Variants in MTHFD1L observed in about 807,000 individuals in gnomAD.
The protein encoded by MTHFD1L is methylenetetrahydrofolate dehydrogenase (NADP+ dependent) 1 like.
In MTHFD1L, 81 loss-of-function variants were observed where a neutral mutation model predicts 119.5. The observed-to-expected ratio is 0.68, with a 90% CI of 0.57 to 0.82. MTHFD1L has a LOEUF of 0.82. Among genes scored for constraint, MTHFD1L ranks in the 40% least tolerant of loss-of-function variants. The probability of loss-of-function intolerance (pLI) is 0.00; values close to 1 mark genes in which losing one functional copy is unlikely to be tolerated. For synonymous variants in MTHFD1L, 430 were observed against 475.2 expected (o/e 0.90, Z 1.24); for missense variants, 1,125 against 1,253.4 (o/e 0.90, Z 1.55).
At position 150,956,713 on chromosome 6, in the gene MTHFD1L, A is replaced by G. The variant is rs145866639; in HGVS notation, c.1803+642A>G. Among the ~76,000 whole-genome samples the G allele has an allele frequency of 9.6e-3, 1,461 of 152,212 alleles. 12 individuals carry two copies. Among genetic ancestry groups the G allele is most frequent in the Middle Eastern group, 0.017 (5 of 294 alleles). The stretch of plus-strand genomic sequence containing the variant: ...CTTTTGAATTGATTATAAACTGTAC[A>G]TTTAAGAACAGTTTTAGATTTCTGT... On this transcript the variant is annotated intron_variant, in intron 17 of 27. Transcript: ENST00000367321.
intron 7 of MTHFD1L, among the ~76,000 whole-genome samples, chr6:150,902,293 C>T (rs974553948): frequency 6.6e-6 from 1 of 152,156 alleles, no homozygotes; most frequent in East Asian, 1.9e-4. Context: ...CACCCCCACA[C>T]GCTCCCTGTT....
Position 151,019,268 on chromosome 6 carries a change from C to T in MTHFD1L, c.2586+3575C>T, listed in dbSNP as rs1313478582. Among the ~76,000 whole-genome samples the T allele has an allele frequency of 6.6e-5, 7 of 105,988 alleles. No individual in the cohort carries two copies. The East Asian group carries it at 1.4e-3, about 21-fold the overall frequency. The allele number at this position is 105,988 out of a possible 152,430, so 69.5% of individuals were successfully genotyped here. The stretch of plus-strand genomic sequence containing the variant: ...TCTTGCCGTCTGATCATGAACCACC[C>T]CACTCTGCATAGCAAAGGCAGTTAT... On this transcript the variant is annotated intron_variant, in intron 24 of 27. Transcript: ENST00000367321.
chr6:151,052,576 G>C (rs986427327), intron 26 of MTHFD1L, among the ~76,000 whole-genome samples: 1 of 152,210 alleles, frequency 6.6e-6, no homozygotes, highest in Non-Finnish European at 1.5e-5. Flanking sequence ...CAGTGGGCAG[G>C]AGCCTGACTC....
rs781662230 is a variant in MTHFD1L at position 150,960,354 on chromosome 6, G to A, written c.1883G>A (p.Arg628Gln). Reference sequence around the variant, plus strand: ...GACAGCCTCGCAGACATGAAGGCACGGCTGGGAAGGATGGTGGTGGCCAGT... The same window carrying A: ...GACAGCCTCGCAGACATGAAGGCACAGCTGGGAAGGATGGTGGTGGCCAGT... ...LTDSLADMKA[R>Q]LGRMVVASDK... Residue 628 changes from arginine (R) to glutamine (Q), a missense_variant, in exon 18 of 28, where the codon CGG becomes CAG. By Grantham distance (43) the Arg-to-Gln change is conservative. Coordinates refer to ENST00000367321, the MANE Select transcript of MTHFD1L (RefSeq NM_015440.5). 3.7e-6 allele frequency: 6 copies of A among 1,614,066 alleles called. No homozygotes were observed. The highest frequency in any genetic ancestry group is 5.1e-6 in the Non-Finnish European group (6 of 1,179,978).
At chr6:150,944,703 C>A in intron 14 of MTHFD1L, 110 bp downstream of exon 14, 2 of 767,784 alleles carry the variant, frequency 2.6e-6, no homozygotes, top group Non-Finnish European at 4.3e-6. Flanking sequence ...AAATGTTATT[C>A]AATTCAATTT....
intron 7 of MTHFD1L, among the ~76,000 whole-genome samples, chr6:150,890,661 A>C (rs1322281231): frequency 6.6e-6 from 1 of 152,222 alleles, no homozygotes. Context: ...GGAAGAAAGA[A>C]TTGGACTGAG....
intron 11 of MTHFD1L, among the ~76,000 whole-genome samples, chr6:150,934,430 T>A (rs1331450612): frequency 1.3e-5 from 2 of 152,200 alleles, no homozygotes; most frequent in African/African-American, 4.8e-5. Context: ...CCTATTTCCC[T>A]GTCTTAGTGT....
intron 10 of MTHFD1L, among the ~76,000 whole-genome samples, chr6:150,924,961 G>C (rs1789680224): frequency 6.6e-6 from 1 of 152,192 alleles, no homozygotes; most frequent in African/African-American, 2.4e-5. Flanking sequence ...TGAACTCCTA[G>C]TTTCTCTGGT....
Position 150,873,563 on chromosome 6 carries a change from A to G in MTHFD1L, c.228-2527A>G, listed in dbSNP as rs537431954. Among the ~76,000 whole-genome samples, 27 of 152,174 alleles carry G rather than the reference A, an allele frequency of 1.8e-4. No homozygotes were observed. In the East Asian group the frequency reaches 4.3e-3, roughly 24 times the overall value. Reference sequence around the variant, plus strand: ...CTAGTAAATGAAATGCCCAGTACCAATCCTGGGCCGTATTTCCACTTAGTG... The same window carrying G: ...CTAGTAAATGAAATGCCCAGTACCAGTCCTGGGCCGTATTTCCACTTAGTG... On this transcript the variant is annotated intron_variant, in intron 1 of 27. Coordinates refer to ENST00000367321, the MANE Select transcript of MTHFD1L (RefSeq NM_015440.5).
intron 26 of MTHFD1L, among the ~76,000 whole-genome samples, chr6:151,045,800 CT>C (rs1268852204): frequency 2.0e-5 from 3 of 152,246 alleles, no homozygotes; most frequent in Non-Finnish European, 4.4e-5. Context: ...CAGGCATCCA[CT>C]GCTTCCTCTC....
intron 13 of MTHFD1L, among the ~76,000 whole-genome samples, chr6:150,939,683 CTTTTTTTT>C (rs751835547): frequency 2.8e-5 from 3 of 108,456 alleles, no homozygotes; most frequent in African/African-American, 1.3e-4. Context: ...CTTGCAGACT[CTTTTTTTT>C]TTTTTTTTTT....
intron 24 of MTHFD1L, among the ~76,000 whole-genome samples, chr6:151,030,058 T>C (rs890743871): frequency 6.6e-6 from 1 of 152,220 alleles, no homozygotes; most frequent in Non-Finnish European, 1.5e-5. Context: ...TCTCACTCCA[T>C]AATAATATGA....
At chr6:150,944,644 T>C in intron 14 of MTHFD1L, 51 bp downstream of exon 14, 1 of 1,318,720 alleles carries the variant, frequency 7.6e-7, no homozygotes, top group Non-Finnish European at 1.1e-6. Context: ...CTGGAATTCC[T>C]GGATTCTTAA....
At chr6:151,057,504 C>A in intron 26 of MTHFD1L, 1 of 220,062 alleles carries the variant, frequency 4.5e-6, no homozygotes, top group Non-Finnish European at 7.7e-6. Flanking sequence ...CAGTGGTGTG[C>A]ACCTGTAGTC....
chr6:150,960,312 C>T lies in MTHFD1L; in HGVS notation c.1841C>T (p.Ala614Val), dbSNP rs202038463. 1,369 of 1,613,872 alleles carry T rather than the reference C, an allele frequency of 8.5e-4. 1 individual carries two copies. The highest frequency in any genetic ancestry group is 1.1e-3 in the Non-Finnish European group (1,306 of 1,179,910). Reference sequence around the variant, plus strand: ...ATCGCAGTGGCCAGCGAGATCATGGCGGTGCTGGCCCTGACGGACAGCCTC... The same window carrying T: ...ATCGCAGTGGCCAGCGAGATCATGGTGGTGCTGGCCCTGACGGACAGCCTC... ...FDIAVASEIM[A>V]VLALTDSLAD... Residue 614 changes from alanine to valine, a missense_variant, in exon 18 of 28, where the codon GCG becomes GTG. By Grantham distance (64) the Ala-to-Val change is moderately conservative. Transcript: ENST00000367321.
Position 150,995,923 on chromosome 6 carries a change from AGTGCTGGGATTACAGGC to A in MTHFD1L, c.2126-13892_2126-13876del, listed in dbSNP as rs375446198. Among the ~76,000 whole-genome samples, 513 of 152,304 alleles carry A rather than the reference AGTGCTGGGATTACAGGC, an allele frequency of 3.4e-3. 2 individuals are homozygous for A. Among genetic ancestry groups the A allele is most frequent in the African/African-American group, 0.011 (453 of 41,572 alleles). On this transcript the variant is annotated intron_variant, in intron 20 of 27. Transcript: ENST00000367321. ...TGATCCACCTGCCTTGGCCTCCCAA[AGTGCTGGGATTACAGGC>A]GTGAGCCACGGTGCCTGGCCAACAT...
intron 19 of MTHFD1L, among the ~76,000 whole-genome samples, chr6:150,965,938 G>T (rs1797148031): frequency 6.6e-6 from 1 of 152,180 alleles, no homozygotes; most frequent in Non-Finnish European, 1.5e-5. Context: ...GGGGCAGAGT[G>T]ATGTGGGGTA....
intron 8 of MTHFD1L, among the ~76,000 whole-genome samples, chr6:150,912,069 C>T (rs1786996271): frequency 6.6e-6 from 1 of 152,054 alleles, no homozygotes; most frequent in African/African-American, 2.4e-5. Flanking sequence ...CACTCACTAT[C>T]ATGAGAACAG....
At chr6:150,916,864 C>T (rs1021483658) in intron 8 of MTHFD1L, among the ~76,000 whole-genome samples, 8 of 142,548 alleles carry the variant, frequency 5.6e-5, no homozygotes, top group African/African-American at 7.8e-5. Flanking sequence ...CCGGTTCAAG[C>T]GATTCTCCTG....
Sources: allele counts gnomAD v4.1 joint callset (sites outside exome capture counted in the v4.1 genomes callset), GRCh38; gene constraint gnomAD v4.1.1; transcripts MANE v1.5; gene names NCBI Gene and HGNC (gene_info 2026-07-23, HGNC 2026-07-21).